SUPT4H1: variants seen among roughly 807,000 people sequenced by gnomAD.
SUPT4H1 encodes the protein transcription elongation factor SPT4.
A neutral mutation model predicts 19.4 loss-of-function variants in SUPT4H1; 12 were observed. The observed-to-expected ratio is 0.62, with a 90% CI of 0.40 to 1.00. The LOEUF (loss-of-function observed/expected upper bound fraction) is 1.00, where lower values mean the gene tolerates loss of function less well. Ranked by LOEUF, SUPT4H1 falls within the 50% of genes least tolerant of loss-of-function variation. The pLI is 0.00. For missense variants in SUPT4H1, 115 were observed against 149.2 expected, an observed-to-expected ratio of 0.77 and a Z score of 1.19; for synonymous variants, 58 against 56.3, an observed-to-expected ratio of 1.03 and a Z score of -0.14.
chr17:58,346,718 C>CAAA (rs33965188), intron 4 of SUPT4H1, among the ~76,000 whole-genome samples: 2,542 of 71,306 alleles, frequency 0.036, 135 homozygotes, highest in Non-Finnish European at 0.047. Flanking sequence ...GACTCTGTCT[C>CAAA]AAAAAAAAAA....
intron 2 of SUPT4H1, among the ~76,000 whole-genome samples, chr17:58,348,387 CTTAT>C (rs1370439808): frequency 6.6e-6 from 1 of 152,134 alleles, no homozygotes; most frequent in Non-Finnish European, 1.5e-5. Context: ...ATCTTGGATT[CTTAT>C]TTGAGAAGAT....
At position 58,347,527 on chromosome 17, in the gene SUPT4H1, A is replaced by C. The variant is rs1457918508; in HGVS notation, c.232+2T>G. The stretch of plus-strand genomic sequence containing the variant: ...GCCAAAAGGAGACAGGCCAACACTT[A>C]CTGACTCGCTGCCACTTGGAGACCC... On this transcript the variant is annotated splice_donor_variant, in intron 3 of 4. Transcript: ENST00000225504. LOFTEE classifies it high-confidence loss of function. 9.3e-6 allele frequency: 15 copies of C among 1,614,092 alleles called. No homozygotes were observed. The highest frequency in any genetic ancestry group is 1.3e-5 in the Non-Finnish European group (15 of 1,180,024).
At chr17:58,346,440 C>G in intron 4 of SUPT4H1, 127 bp from the exon 5 acceptor site, 1 of 753,282 alleles carries the variant, frequency 1.3e-6, no homozygotes, top group Non-Finnish European at 2.3e-6. Flanking sequence ...CAATCGTCTG[C>G]TTGGCCAGGC....
Position 58,345,201 on chromosome 17 carries a change from A to AT in SUPT4H1, c.*1044dup, listed in dbSNP as rs1183206795. The AT allele has an allele frequency of 1.3e-5, 2 of 152,148 alleles. No homozygotes were observed. Among genetic ancestry groups the AT allele is most frequent in the East Asian group, 3.9e-4 (2 of 5,188 alleles). 9.4% of individuals were successfully genotyped at this position (152,148 alleles called of 1,614,324 possible). A position where few individuals can be genotyped will look rare whatever the true frequency, so the allele number is the denominator to read the frequency against. ...AGGAGAGCAAAAGTATTTCACCTTT[A>AT]TAATACTTATATAATTTTCACATAG... On this transcript the variant is annotated 3_prime_UTR_variant, in exon 5 of 5. Coordinates refer to ENST00000225504, the MANE Select transcript of SUPT4H1 (RefSeq NM_003168.3).
At chr17:58,346,339 G>A in intron 4 of SUPT4H1, 26 bp from the exon 5 acceptor site, 1 of 1,610,102 alleles carries the variant, frequency 6.2e-7, no homozygotes, top group Non-Finnish European at 8.5e-7. Flanking sequence ...AAACAGTTCT[G>A]TGAGGTAAGA....
intron 2 of SUPT4H1, among the ~76,000 whole-genome samples, chr17:58,350,026 T>C (rs554578713): frequency 1.4e-4 from 22 of 152,382 alleles, no homozygotes; most frequent in African/African-American, 5.0e-4. Context: ...CTCATGCCTG[T>C]AATCCCAGCA....
chr17:58,348,705 G>A (rs894585889), intron 2 of SUPT4H1, among the ~76,000 whole-genome samples: 1 of 151,966 alleles, frequency 6.6e-6, no homozygotes, highest in African/African-American at 2.4e-5. Flanking sequence ...CCCTTTATTT[G>A]GAATGTTCTC....
chr17:58,349,247 A>C (rs1972399604), intron 2 of SUPT4H1, among the ~76,000 whole-genome samples: 1 of 152,260 alleles, frequency 6.6e-6, no homozygotes, highest in Non-Finnish European at 1.5e-5. Flanking sequence ...ATGATTTTTC[A>C]AATTTATGAT....
rs200157837 is a variant in SUPT4H1 at position 58,352,087 on chromosome 17, A to G, written c.49T>C (p.Leu17=). The G allele has an allele frequency of 2.3e-4, 375 of 1,614,212 alleles. 1 individual carries two copies. The highest frequency in any genetic ancestry group is 3.7e-4 in the Admixed American group (22 of 60,024). Residue 17 remains leucine, a synonymous_variant, in exon 1 of 5, where the codon TTG becomes CTG. Transcript: ENST00000225504. ...PKDLRHLRAC[L]LCSLVKTIDQ... ...GACACCTTGACCAGCGAACACAGCA[A>G]ACAGGCCCGCAGATGCCGCAGGTCC...
intron 2 of SUPT4H1, among the ~76,000 whole-genome samples, chr17:58,348,666 T>C (rs12938538): frequency 0.43 from 64,657 of 151,994 alleles, 13,786 homozygotes; most frequent in East Asian, 0.55. Context: ...TCCTGGTTTT[T>C]CCCATCCTAA....
rs950434355 is a variant in SUPT4H1 at position 58,346,325 on chromosome 17, A to G, written c.287-12T>C. The G allele has an allele frequency of 3.7e-6, 6 of 1,613,226 alleles. No individual in the cohort carries two copies. The highest frequency in any genetic ancestry group is 3.3e-5 in the South Asian group (3 of 91,072). Reference sequence around the variant, plus strand: ...CTCCCGCACGATTCCTGAAGCAGGAAAAGAAACAGTTCTGTGAGGTAAGAT... The same window carrying G: ...CTCCCGCACGATTCCTGAAGCAGGAGAAGAAACAGTTCTGTGAGGTAAGAT... On this transcript the variant is annotated splice_polypyrimidine_tract_variant and intron_variant, in intron 4 of 4. Transcript: ENST00000225504.
intron 1 of SUPT4H1, 62 bp from the exon 2 acceptor site, chr17:58,351,570 A>T: frequency 8.3e-7 from 1 of 1,209,988 alleles, no homozygotes; most frequent in Non-Finnish European, 1.2e-6. Context: ...CAAGAGAAAA[A>T]GTAGCTTTCT....
chr17:58,349,432 A>T (rs1484767185), intron 2 of SUPT4H1, among the ~76,000 whole-genome samples: 3 of 152,254 alleles, frequency 2.0e-5, no homozygotes, highest in Non-Finnish European at 4.4e-5. Context: ...AAGTAGGCTA[A>T]CTTATTATAT....
chr17:58,348,501 C>T (rs973559997), intron 2 of SUPT4H1, among the ~76,000 whole-genome samples: 2 of 152,294 alleles, frequency 1.3e-5, no homozygotes, highest in Non-Finnish European at 2.9e-5. Context: ...CCCAGCCCTG[C>T]AGCCTGATGG....
rs1972542004 is a variant in SUPT4H1 at position 58,351,949 on chromosome 17, CT to C, written c.69+117del. ...GGCCTCCTTCGGCTTCTCACTCCCC[CT>C]GCCACCTCTGAGTTCTGAGACTTAA... On this transcript the variant is annotated intron_variant, in intron 1 of 4. Transcript: ENST00000225504. 5 of 1,083,622 alleles carry C rather than the reference CT, an allele frequency of 4.6e-6. No individual in the cohort carries two copies. The South Asian group carries it at 7.0e-5, about 15-fold the overall frequency. The allele number at this position is 1,083,622 out of a possible 1,614,324, so 67.1% of individuals were successfully genotyped here.
At position 58,346,227 on chromosome 17, in the gene SUPT4H1, C is replaced by G. The variant is rs1391575580; in HGVS notation, c.*19G>C. On this transcript the variant is annotated 3_prime_UTR_variant, in exon 5 of 5. Coordinates refer to ENST00000225504, the MANE Select transcript of SUPT4H1 (RefSeq NM_003168.3). The stretch of plus-strand genomic sequence containing the variant: ...AGGCAGGAGGTGGAGAGCAAAGATG[C>G]TGGCAGCCTTGCATCTTGCTAGGTC... The G allele has an allele frequency of 6.2e-7, 1 of 1,610,148 alleles. No individual in the cohort carries two copies. Among genetic ancestry groups the G allele is most frequent in the Non-Finnish European group, 8.5e-7 (1 of 1,176,538 alleles).
intron 1 of SUPT4H1, chr17:58,351,765 A>C: frequency 3.5e-6 from 2 of 566,926 alleles, no homozygotes; most frequent in Non-Finnish European, 6.3e-6. Context: ...CTTTCCGACT[A>C]CTCACTCAGC....
intron 1 of SUPT4H1, 116 bp downstream of exon 1, chr17:58,351,951 G>C: frequency 9.2e-7 from 1 of 1,092,578 alleles, no homozygotes; most frequent in Non-Finnish European, 1.3e-6. Flanking sequence ...CACTCCCCCT[G>C]CCACCTCTGA....
rs565767343 is a variant in SUPT4H1 at position 58,351,251 on chromosome 17, CAAAAAAAA to C, written c.176+143_176+150del. ...TGAGCCACAGAGCAAAACCCTGATTCAAAAAAAAAAAAAAAAAAAAAAACCCACACAAA... is the reference window on the plus strand; with the variant it reads ...TGAGCCACAGAGCAAAACCCTGATTCAAAAAAAAAAAAAAACCCACACAAA... On this transcript the variant is annotated intron_variant, in intron 2 of 4. Coordinates refer to ENST00000225504, the MANE Select transcript of SUPT4H1 (RefSeq NM_003168.3). 4.8e-4 allele frequency: 177 copies of C among 368,656 alleles called. 1 individual carries two copies. In the African/African-American group the frequency reaches 4.8e-3, roughly 10 times the overall value. 22.8% of individuals were successfully genotyped at this position (368,656 alleles called of 1,614,324 possible).
Sources: gnomAD v4.1 joint callset for allele counts (sites outside exome capture counted in the v4.1 genomes callset) on GRCh38, gnomAD v4.1.1 for gene constraint, MANE v1.5 for transcripts, NCBI Gene and HGNC (gene_info 2026-07-23, HGNC 2026-07-21) for gene names.